FSCN1: variants seen among roughly 807,000 people sequenced by gnomAD.
FSCN1 encodes the protein fascin.
In FSCN1, 10 loss-of-function variants were observed where a neutral mutation model predicts 39.7. The ratio of observed to expected loss-of-function variants is 0.25; its 90% CI spans 0.16 to 0.43. The LOEUF (loss-of-function observed/expected upper bound fraction) is 0.43, where lower values mean the gene tolerates loss of function less well. FSCN1 is among the 20% of genes least tolerant of loss of function. The probability of loss-of-function intolerance (pLI) is 1.00; values close to 1 mark genes in which losing one functional copy is unlikely to be tolerated. For synonymous variants in FSCN1, 322 were observed against 320.0 expected, an observed-to-expected ratio of 1.01 and a Z score of -0.07; for missense variants, 525 against 723.8, an observed-to-expected ratio of 0.73 and a Z score of 3.15.
At position 5,605,575 on chromosome 7, in the gene FSCN1, C is replaced by G; in HGVS notation, c.*101C>G. 1.1e-6 allele frequency: 1 copy of G among 870,574 alleles called. No individual in the cohort carries two copies. The highest frequency in any genetic ancestry group is 1.7e-6 in the Non-Finnish European group (1 of 579,698). 53.9% of individuals were successfully genotyped at this position (870,574 alleles called of 1,614,324 possible). ...GGTGGGCTCCAGGGCGGGAGGCAAG[C>G]CCCCTTGCCTTTCAAACTGGAAACC... is the stretch of plus-strand genomic sequence containing the variant. On this transcript the variant is annotated 3_prime_UTR_variant, in exon 5 of 5. Coordinates refer to ENST00000382361, the MANE Select transcript of FSCN1 (RefSeq NM_003088.4). The surrounding 1 kb of genome is among the most constrained non-coding windows in gnomAD (Gnocchi z 6.9).
At position 5,592,955 on chromosome 7, in the gene FSCN1, G is replaced by C; in HGVS notation, c.19G>C (p.Ala7Pro). 1 of 1,561,074 alleles carries C rather than the reference G, an allele frequency of 6.4e-7. No homozygotes were observed. Among genetic ancestry groups the C allele is most frequent in the Non-Finnish European group, 8.7e-7 (1 of 1,152,474 alleles). MTANGT[A>P]EAVQIQFGLI... is the part of the protein sequence containing the mutation. ...TGCCACCATGACCGCCAACGGCACAGCCGAGGCGGTGCAGATCCAGTTCGG... is the reference window on the plus strand; with the variant it reads ...TGCCACCATGACCGCCAACGGCACACCCGAGGCGGTGCAGATCCAGTTCGG... Residue 7 changes from alanine to proline, a missense_variant, in exon 1 of 5, where the codon GCC becomes CCC. Around this residue, in one of 3 missense-constraint regions of FSCN1, gnomAD observed 246 missense variants for 350.6 expected, o/e 0.70. Coordinates refer to ENST00000382361, the MANE Select transcript of FSCN1 (RefSeq NM_003088.4). This position sits in a 1 kb window ranked among gnomAD's most constrained non-coding sequence, Gnocchi z 5.3.
chr7:5,605,260 T>G lies in FSCN1; in HGVS notation c.1280-12T>G. ...AGGCTTTGGGCCCCACTTGATAAAG[T>G]CCCCTCCCCAGACTCCACAGGCAAA... On this transcript the variant is annotated splice_polypyrimidine_tract_variant and intron_variant, in intron 4 of 4. Transcript: ENST00000382361. This position sits in a 1 kb window ranked among gnomAD's most constrained non-coding sequence, Gnocchi z 6.9. The G allele has an allele frequency of 2.5e-6, 4 of 1,607,030 alleles. No homozygotes were observed. The highest frequency in any genetic ancestry group is 3.4e-6 in the Non-Finnish European group (4 of 1,174,296).
chr7:5,601,847 AAG>A (rs1266189574), intron 1 of FSCN1, among the ~76,000 whole-genome samples: 1 of 146,696 alleles, frequency 6.8e-6, no homozygotes, highest in East Asian at 2.0e-4. Context: ...ATCAAAAAGA[AAG>A]AGATGTATTT....
chr7:5,604,477 TTTTG>T (rs892236067), intron 4 of FSCN1, among the ~76,000 whole-genome samples: 4 of 150,336 alleles, frequency 2.7e-5, no homozygotes, highest in Middle Eastern at 3.4e-3. Flanking sequence ...AACATGGTTT[TTTTG>T]TTTGTTTTTT....
rs147229885 is a variant in FSCN1 at position 5,599,698 on chromosome 7, G to C, written c.833-3559G>C. 6.6e-6 allele frequency among the ~76,000 whole-genome samples: 1 copy of C among 152,004 alleles called. No homozygotes were observed. The highest frequency in any genetic ancestry group is 2.4e-5 in the African/African-American group (1 of 41,376). ...GTGAGTGCCTGTGGTCCCACCTACT[G>C]GGGAGACTGAGGCAAGAGGATCCTT... On this transcript the variant is annotated intron_variant, in intron 1 of 4. Coordinates refer to ENST00000382361, the MANE Select transcript of FSCN1 (RefSeq NM_003088.4). The surrounding 1 kb of genome is among the most constrained non-coding windows in gnomAD (Gnocchi z 5.6).
At position 5,606,553 on chromosome 7, in the gene FSCN1, G is replaced by C. The variant is rs1785937550; in HGVS notation, c.*1079G>C. 1 of 152,212 alleles carries C rather than the reference G, an allele frequency of 6.6e-6. No individual in the cohort carries two copies. The highest frequency in any genetic ancestry group is 2.1e-4 in the South Asian group (1 of 4,830). 9.4% of individuals were successfully genotyped at this position (152,212 alleles called of 1,614,324 possible). ...ACATGCATCTCACTCTGGGTGTCTT[G>C]GTCTTTTATTTTTTGTAAGTGTCAT... is the stretch of plus-strand genomic sequence containing the variant. On this transcript the variant is annotated 3_prime_UTR_variant, in exon 5 of 5. Coordinates refer to ENST00000382361, the MANE Select transcript of FSCN1 (RefSeq NM_003088.4). The surrounding 1 kb of genome is among the most constrained non-coding windows in gnomAD (Gnocchi z 5.1).
In FSCN1 at chr7:5,603,720, G is replaced by C; in HGVS notation, c.1111+103G>C. On this transcript the variant is annotated intron_variant, in intron 3 of 4. Coordinates refer to ENST00000382361, the MANE Select transcript of FSCN1 (RefSeq NM_003088.4). The surrounding 1 kb of genome is among the most constrained non-coding windows in gnomAD (Gnocchi z 8.5). The stretch of plus-strand genomic sequence containing the variant: ...CCCAGCCAAGGCCTGCTCTGTGCTG[G>C]GCATCCCCCCGGACTGGCCCCGCAC... 6.4e-7 allele frequency: 1 copy of C among 1,555,440 alleles called. No individual in the cohort carries two copies.
intron 1 of FSCN1, among the ~76,000 whole-genome samples, chr7:5,597,344 G>A (rs1470430109): frequency 2.0e-5 from 3 of 152,268 alleles, no homozygotes; most frequent in Non-Finnish European, 4.4e-5. Flanking sequence ...ACTCCAGCCT[G>A]GGCAACAGAA....
rs1255806033 is a variant in FSCN1 at position 5,593,246 on chromosome 7, C to A, written c.310C>A (p.Gln104Lys). 6.2e-7 allele frequency: 1 copy of A among 1,608,780 alleles called. No homozygotes were observed. Among genetic ancestry groups the A allele is most frequent in the Non-Finnish European group, 8.5e-7 (1 of 1,178,762 alleles). Residue 104 changes from glutamine to lysine, a missense_variant, in exon 1 of 5, where the codon CAG becomes AAG. This residue lies in a region of FSCN1 where 246 missense variants were observed against 350.6 expected (regional missense o/e 0.70). Transcript: ENST00000382361. ...GCACGACGACGGTCGCTGGTCGCTG[C>A]AGTCCGAGGCGCACCGGCGCTACTT... The part of the protein sequence containing the change: ...VAHDDGRWSL[Q>K]SEAHRRYFGG...
chr7:5,594,054 C>CT, intron 1 of FSCN1: 2 of 414,666 alleles, frequency 4.8e-6, no homozygotes, highest in Non-Finnish European at 8.6e-6. Context: ...AACCCCCCCC[C>CT]CCGCCCAATC....
rs1345457351 is a variant in FSCN1 at position 5,603,761 on chromosome 7, A to G, written c.1112-102A>G. Reference sequence around the variant, plus strand: ...GGCCCCGCACTGTCCTACCCTGGGGACTGCTGTGTGACCCCAGCTCCTGGC... The same window carrying G: ...GGCCCCGCACTGTCCTACCCTGGGGGCTGCTGTGTGACCCCAGCTCCTGGC... On this transcript the variant is annotated intron_variant, in intron 3 of 4. Coordinates refer to ENST00000382361, the MANE Select transcript of FSCN1 (RefSeq NM_003088.4). The surrounding 1 kb of genome is among the most constrained non-coding windows in gnomAD (Gnocchi z 8.5). 5 of 1,438,058 alleles carry G rather than the reference A, an allele frequency of 3.5e-6. No individual in the cohort carries two copies. Among genetic ancestry groups the G allele is most frequent in the Non-Finnish European group, 3.8e-6 (4 of 1,043,426 alleles). The allele number at this position is 1,438,058 out of a possible 1,614,324, so 89.1% of individuals were successfully genotyped here.
rs1209083305 is a variant in FSCN1 at position 5,603,790 on chromosome 7, C to G, written c.1112-73C>G. On this transcript the variant is annotated intron_variant, in intron 3 of 4. Coordinates refer to ENST00000382361, the MANE Select transcript of FSCN1 (RefSeq NM_003088.4). The surrounding 1 kb of genome is among the most constrained non-coding windows in gnomAD (Gnocchi z 8.5). ...CTGTGTGACCCCAGCTCCTGGCCCT[C>G]CCTCTCTGGTCACCCCAGCCTCCAC... The G allele has an allele frequency of 4.6e-6, 7 of 1,529,184 alleles. No individual in the cohort carries two copies. In the South Asian group the frequency reaches 5.9e-5, roughly 13 times the overall value. 94.7% of individuals were successfully genotyped at this position (1,529,184 alleles called of 1,614,324 possible).
chr7:5,600,907 G>A, intron 1 of FSCN1, among the ~76,000 whole-genome samples: 1 of 132,914 alleles, frequency 7.5e-6, no homozygotes, highest in East Asian at 2.4e-4. Context: ...GCCTGCCTCG[G>A]CCTCCCAAAG....
At chr7:5,597,743 A>G (rs1396954028) in intron 1 of FSCN1, among the ~76,000 whole-genome samples, 2 of 150,694 alleles carry the variant, frequency 1.3e-5, no homozygotes, top group Non-Finnish European at 3.0e-5. Context: ...TAAAAGAAAA[A>G]AGTTAAAAAA....
rs1242360573 is a variant in FSCN1 at position 5,605,381 on chromosome 7, C to T, written c.1389C>T (p.Ile463=). The T allele has an allele frequency of 6.2e-7, 1 of 1,613,814 alleles. No homozygotes were observed. The change falls in exon 5 of 5, where the codon ATC becomes ATT. Residue 463 remains isoleucine (I), a synonymous_variant. Coordinates refer to ENST00000382361, the MANE Select transcript of FSCN1 (RefSeq NM_003088.4). The surrounding 1 kb of genome is among the most constrained non-coding windows in gnomAD (Gnocchi z 6.9). Reference sequence around the variant, plus strand: ...TCTGCGACTATAACAAGGTGGCCATCAAGGTGGGCGGGCGCTACCTGAAGG... The same window carrying T: ...TCTGCGACTATAACAAGGTGGCCATTAAGGTGGGCGGGCGCTACCTGAAGG... The part of the protein sequence containing the change: ...FEFCDYNKVA[I]KVGGRYLKGD...
intron 1 of FSCN1, among the ~76,000 whole-genome samples, chr7:5,596,334 G>T (rs2128548906): frequency 6.6e-6 from 1 of 152,278 alleles, no homozygotes; most frequent in South Asian, 2.1e-4. Flanking sequence ...GTGGGGGCAG[G>T]GTGCTCCCCT....
chr7:5,601,920 CT>C (rs200277948), intron 1 of FSCN1, among the ~76,000 whole-genome samples: 1 of 150,786 alleles, frequency 6.6e-6, no homozygotes, highest in Admixed American at 6.6e-5. Flanking sequence ...TCATAGTTTC[CT>C]TTTTTTTGTT....
chr7:5,600,799 G>A (rs1284705958), intron 1 of FSCN1, among the ~76,000 whole-genome samples: 5 of 151,266 alleles, frequency 3.3e-5, no homozygotes, highest in Admixed American at 6.6e-5. Flanking sequence ...GACTACAGGC[G>A]CCCGCCACCG....
chr7:5,601,418 G>T (rs1345184735), intron 1 of FSCN1, among the ~76,000 whole-genome samples: 3 of 151,194 alleles, frequency 2.0e-5, no homozygotes, highest in African/African-American at 7.3e-5. Context: ...GGCAAGGCTG[G>T]TCTTGAACTC....
Sources: allele counts gnomAD v4.1 joint callset (sites outside exome capture counted in the v4.1 genomes callset), GRCh38; gene constraint gnomAD v4.1.1; regional missense constraint gnomAD v4.1.1; non-coding constraint Gnocchi (gnomAD v3.1); transcripts MANE v1.5; gene names NCBI Gene and HGNC (gene_info 2026-07-23, HGNC 2026-07-21).